Variants in SPAG16 observed in about 807,000 individuals in gnomAD.
The protein encoded by SPAG16 is sperm-associated antigen 16 protein.
A neutral mutation model predicts 80.4 loss-of-function variants in SPAG16; 86 were observed. The ratio of observed to expected loss-of-function variants is 1.07; its 90% confidence interval spans 0.90 to 1.28. The LOEUF (loss-of-function observed/expected upper bound fraction) is 1.28. Ranked by LOEUF, SPAG16 falls within the 50% of genes most tolerant of loss-of-function variation. The pLI, the probability that SPAG16 is intolerant of heterozygous loss-of-function variation, is 0.00. For synonymous variants in SPAG16, 294 were observed against 265.9 expected (o/e 1.11, Z -1.03); for missense variants, 870 against 765.3 (o/e 1.14, Z -1.61).
At chr2:213,327,000 G>C (rs995601772) in intron 5 of SPAG16, among the ~76,000 whole-genome samples, 9 of 151,918 alleles carry the variant, frequency 5.9e-5, no homozygotes, top group Non-Finnish European at 8.8e-5. Context: ...TGTAGACTTT[G>C]ATATGCTGGT....
intron 10 of SPAG16, among the ~76,000 whole-genome samples, chr2:213,499,848 C>G (rs1363145878): frequency 6.6e-6 from 1 of 152,132 alleles, no homozygotes; most frequent in African/African-American, 2.4e-5. Context: ...TCTTGCTTGT[C>G]TGTTTTCTCA....
rs6721889 is a variant in SPAG16 at position 213,780,242 on chromosome 2, A to G, written c.1071-82243A>G. Among the ~76,000 whole-genome samples the G allele has an allele frequency of 6.8e-3, 1,040 of 152,270 alleles. 16 individuals carry two copies. The highest frequency in any genetic ancestry group is 0.023 in the African/African-American group (976 of 41,554). On this transcript the variant is annotated intron_variant, in intron 10 of 15. Transcript: ENST00000331683. The stretch of plus-strand genomic sequence containing the variant: ...TACCATCTGCAAAGGTAAAAGAGAT[A>G]CCTTTACTATCACATGGCATCACAT...
intron 5 of SPAG16, among the ~76,000 whole-genome samples, chr2:213,339,583 C>T (rs1490111892): frequency 5.3e-5 from 8 of 152,134 alleles, no homozygotes; most frequent in African/African-American, 1.9e-4. Context: ...TTCTGTATTA[C>T]AGCACTGATA....
At chr2:214,111,028 T>C (rs2053636625) in intron 14 of SPAG16, among the ~76,000 whole-genome samples, 1 of 152,220 alleles carries the variant, frequency 6.6e-6, no homozygotes, top group Admixed American at 6.5e-5. Context: ...TTCTGGATAT[T>C]AGCCCTTTGT....
intron 10 of SPAG16, among the ~76,000 whole-genome samples, chr2:213,516,981 G>GA (rs967762623): frequency 9.2e-5 from 14 of 151,698 alleles, no homozygotes; most frequent in African/African-American, 3.1e-4. Flanking sequence ...TCAAGTAAGA[G>GA]AAAAAAAATG....
intron 10 of SPAG16, among the ~76,000 whole-genome samples, chr2:213,749,287 CTATT>C (rs1319265719): frequency 2.6e-5 from 4 of 151,712 alleles, no homozygotes; most frequent in African/African-American, 9.7e-5. Flanking sequence ...TAATATAAAT[CTATT>C]TATATAATTG....
At chr2:214,095,301 A>C (rs545513783) in intron 13 of SPAG16, among the ~76,000 whole-genome samples, 1 of 152,124 alleles carries the variant, frequency 6.6e-6, no homozygotes, top group Admixed American at 6.6e-5. Flanking sequence ...GCAGACACAC[A>C]CAGAAACCCC....
At chr2:213,411,543 G>A (rs1559106118) in intron 9 of SPAG16, among the ~76,000 whole-genome samples, 1 of 152,134 alleles carries the variant, frequency 6.6e-6, no homozygotes. Context: ...ACTCAATGTT[G>A]TATCTTCATC....
At chr2:213,381,243 T>C (rs1337732458) in intron 9 of SPAG16, among the ~76,000 whole-genome samples, 2 of 152,200 alleles carry the variant, frequency 1.3e-5, no homozygotes, top group Non-Finnish European at 2.9e-5. Flanking sequence ...GAGTACTCCA[T>C]GTAAATGACT....
intron 11 of SPAG16, among the ~76,000 whole-genome samples, chr2:213,890,833 T>G (rs1341303672): frequency 6.6e-6 from 1 of 151,980 alleles, no homozygotes; most frequent in Non-Finnish European, 1.5e-5. Context: ...TTAGTTAAAT[T>G]TTGATGTGTT....
At chr2:213,879,311 A>G (rs2076256661) in intron 11 of SPAG16, among the ~76,000 whole-genome samples, 1 of 151,664 alleles carries the variant, frequency 6.6e-6, no homozygotes, top group Non-Finnish European at 1.5e-5. Context: ...CGTGTTATCT[A>G]TAATTTCTTT....
At chr2:213,555,509 T>G (rs186817510) in intron 10 of SPAG16, among the ~76,000 whole-genome samples, 1 of 152,320 alleles carries the variant, frequency 6.6e-6, no homozygotes, top group Non-Finnish European at 1.5e-5. Flanking sequence ...TTCCTGAAAC[T>G]TCCTCAGCTA....
At chr2:214,161,961 C>A (rs912894341) in intron 15 of SPAG16, among the ~76,000 whole-genome samples, 1 of 151,912 alleles carries the variant, frequency 6.6e-6, no homozygotes, top group Non-Finnish European at 1.5e-5. Context: ...GCTGTTAGGT[C>A]ACAAAAATAT....
At position 214,273,980 on chromosome 2, in the gene SPAG16, A is replaced by G. The variant is rs150179121; in HGVS notation, c.1720+124714A>G. Among the ~76,000 whole-genome samples, 594 of 152,174 alleles carry G rather than the reference A, an allele frequency of 3.9e-3. 3 individuals are homozygous for G. Among genetic ancestry groups the G allele is most frequent in the African/African-American group, 0.013 (552 of 41,524 alleles). On this transcript the variant is annotated intron_variant, in intron 15 of 15. Transcript: ENST00000331683. ...GTCCCCCTTTATTTCGTTGAGCAGT[A>G]GTTTGCAGTTCTCCTTGAAGAGGCC... is the stretch of plus-strand genomic sequence containing the variant.
chr2:214,259,105 T>C (rs931599142), intron 15 of SPAG16, among the ~76,000 whole-genome samples: 1 of 151,876 alleles, frequency 6.6e-6, no homozygotes, highest in African/African-American at 2.4e-5. Context: ...TTTTTATTTG[T>C]ATTTTGGATT....
chr2:213,482,216 T>G (rs1433754299), intron 9 of SPAG16, among the ~76,000 whole-genome samples: 1 of 152,242 alleles, frequency 6.6e-6, no homozygotes, highest in African/African-American at 2.4e-5. Context: ...TACTTTCATA[T>G]TATCAAATGA....
intron 15 of SPAG16, among the ~76,000 whole-genome samples, chr2:214,402,056 A>G (rs1701738307): frequency 6.6e-6 from 1 of 151,950 alleles, no homozygotes; most frequent in Non-Finnish European, 1.5e-5. Context: ...CACTGGGGAA[A>G]CTGTATTTGA....
At chr2:213,830,014 G>T (rs1356800300) in intron 10 of SPAG16, among the ~76,000 whole-genome samples, 1 of 152,136 alleles carries the variant, frequency 6.6e-6, no homozygotes, top group African/African-American at 2.4e-5. Context: ...CATGGCTTGT[G>T]TCTTTACTAG....
intron 9 of SPAG16, among the ~76,000 whole-genome samples, chr2:213,393,650 G>A (rs2067886070): frequency 6.6e-6 from 1 of 151,968 alleles, no homozygotes; most frequent in Non-Finnish European, 1.5e-5. Flanking sequence ...CAAACCTAGG[G>A]GTGGAATTGG....
Sources: gnomAD v4.1 joint callset for allele counts (sites outside exome capture counted in the v4.1 genomes callset) on GRCh38, gnomAD v4.1.1 for gene constraint, MANE v1.5 for transcripts, NCBI Gene and HGNC (gene_info 2026-07-23, HGNC 2026-07-21) for gene names.